The following RPRD1B variants were observed in gnomAD, a reference collection of about 807,000 sequenced individuals.
The protein encoded by RPRD1B is regulation of nuclear pre-mRNA domain containing 1B, also known as regulation of nuclear pre-mRNA domain-containing protein 1B.
Under a neutral mutation model 41.5 loss-of-function variants are expected in RPRD1B, and 11 were observed. That is an observed-to-expected ratio of 0.27 (90% CI 0.17 to 0.44). RPRD1B has a LOEUF of 0.44. RPRD1B is among the 20% of genes least tolerant of loss of function. RPRD1B has a pLI of 1.00. For synonymous variants in RPRD1B, 158 were observed against 155.6 expected, an observed-to-expected ratio of 1.02 and a Z score of -0.12; for missense variants, 248 against 389.9, an observed-to-expected ratio of 0.64 and a Z score of 3.06.
At position 38,090,108 on chromosome 20, in the gene RPRD1B, T is replaced by C. The variant is rs2122780153; in HGVS notation, c.*233T>C. 1 of 1,233,334 alleles carries C rather than the reference T, an allele frequency of 8.1e-7. No homozygotes were observed. The highest frequency in any genetic ancestry group is 1.0e-6 in the Non-Finnish European group (1 of 984,290). 76.4% of individuals were successfully genotyped at this position (1,233,334 alleles called of 1,614,324 possible). ...TCATATTTGCAAAGACTACAGACTT[T>C]TTCTCCCACTTCATATTTTCATGCC... On this transcript the variant is annotated 3_prime_UTR_variant, in exon 7 of 7. Coordinates refer to ENST00000373433, the MANE Select transcript of RPRD1B (RefSeq NM_021215.4).
In RPRD1B at chr20:38,092,118, T is replaced by C. The variant is rs2074616472; in HGVS notation, c.*2243T>C. The C allele has an allele frequency of 9.1e-6, 9 of 985,680 alleles. No homozygotes were observed. Among genetic ancestry groups the C allele is most frequent in the African/African-American group, 1.7e-5 (1 of 57,236 alleles). The allele number at this position is 985,680 out of a possible 1,614,324, so 61.1% of individuals were successfully genotyped here. A position where few individuals can be genotyped will look rare whatever the true frequency, so the allele number is the denominator to read the frequency against. On this transcript the variant is annotated 3_prime_UTR_variant, in exon 7 of 7. Coordinates refer to ENST00000373433, the MANE Select transcript of RPRD1B (RefSeq NM_021215.4). ...GGGTGGGGTGGGTGGTTTTTGTTTTTGTGTTTTTTCTTTCTTAGGGCATCT... is the reference window on the plus strand; with the variant it reads ...GGGTGGGGTGGGTGGTTTTTGTTTTCGTGTTTTTTCTTTCTTAGGGCATCT...
At chr20:38,059,567 C>T (rs748739356) in intron 5 of RPRD1B, 47 bp downstream of exon 5, 1 of 1,597,024 alleles carries the variant, frequency 6.3e-7, no homozygotes, top group Non-Finnish European at 8.6e-7. Context: ...AGGGACATAA[C>T]TGTAATGCAG....
chr20:38,076,640 A>T (rs912903615), intron 6 of RPRD1B, among the ~76,000 whole-genome samples: 8 of 152,160 alleles, frequency 5.3e-5, no homozygotes, highest in African/African-American at 1.9e-4. Context: ...GGCTGTCTTC[A>T]GAATTTCCCC....
intron 6 of RPRD1B, 35 bp downstream of exon 6, chr20:38,066,291 G>T (rs751361120): frequency 6.3e-7 from 1 of 1,591,756 alleles, no homozygotes; most frequent in Non-Finnish European, 8.6e-7. Flanking sequence ...GACTGCCCAC[G>T]TTTCCCTTCC....
At chr20:38,043,245 G>A (rs1222894872) in intron 2 of RPRD1B, among the ~76,000 whole-genome samples, 1 of 152,212 alleles carries the variant, frequency 6.6e-6, no homozygotes, top group Non-Finnish European at 1.5e-5. Context: ...CGAAGCGGGA[G>A]CAGCTATTAA....
chr20:38,042,306 A>G (rs2074074517), intron 2 of RPRD1B, among the ~76,000 whole-genome samples: 1 of 152,124 alleles, frequency 6.6e-6, no homozygotes, highest in South Asian at 2.1e-4. Flanking sequence ...GTGAGCTATA[A>G]TCATACCACT....
At chr20:38,046,768 C>CG (rs1718818613) in intron 2 of RPRD1B, among the ~76,000 whole-genome samples, 1 of 151,792 alleles carries the variant, frequency 6.6e-6, no homozygotes, top group South Asian at 2.1e-4. Flanking sequence ...GGTTGGAGGA[C>CG]GGGGGTGGGG....
rs780926255 is a variant in RPRD1B at position 38,059,564 on chromosome 20, TA to T, written c.655+46del. On this transcript the variant is annotated intron_variant, in intron 5 of 6. Transcript: ENST00000373433. The stretch of plus-strand genomic sequence containing the variant: ...GGTGAAAGGTGAGGAGAGAGGGACA[TA>T]ACTGTAATGCAGTAACCCTAGGCCA... 4 of 1,597,060 alleles carry T rather than the reference TA, an allele frequency of 2.5e-6. No homozygotes were observed. In the East Asian group the frequency reaches 6.7e-5, roughly 27 times the overall value.
intron 3 of RPRD1B, among the ~76,000 whole-genome samples, chr20:38,055,118 T>A (rs576761024): frequency 1.5e-3 from 221 of 152,364 alleles, no homozygotes; most frequent in Middle Eastern, 3.4e-3. Flanking sequence ...CTGTGACTTT[T>A]AAAATTTTTT....
At chr20:38,051,960 A>G (rs1235194030) in intron 3 of RPRD1B, among the ~76,000 whole-genome samples, 1 of 152,188 alleles carries the variant, frequency 6.6e-6, no homozygotes, top group African/African-American at 2.4e-5. Flanking sequence ...CATGTTGGTC[A>G]GGCTGGTCCC....
intron 3 of RPRD1B, among the ~76,000 whole-genome samples, chr20:38,055,031 A>G (rs1395925806): frequency 2.0e-5 from 3 of 152,250 alleles, no homozygotes; most frequent in Admixed American, 6.5e-5. Context: ...ATAGTAGTGC[A>G]GGACTATAAC....
chr20:38,067,986 CTT>C (rs949386146), intron 6 of RPRD1B, among the ~76,000 whole-genome samples: 11 of 152,216 alleles, frequency 7.2e-5, no homozygotes, highest in Admixed American at 3.9e-4. Context: ...AGGACAGAGT[CTT>C]TGAGGAGATC....
chr20:38,035,295 T>G (rs2073988499), intron 1 of RPRD1B, among the ~76,000 whole-genome samples: 1 of 152,168 alleles, frequency 6.6e-6, no homozygotes, highest in African/African-American at 2.4e-5. Flanking sequence ...GAAATGAAGC[T>G]CAGAGCTGCT....
intron 1 of RPRD1B, among the ~76,000 whole-genome samples, chr20:38,038,523 G>T (rs1378201874): frequency 2.7e-5 from 3 of 110,646 alleles, no homozygotes; most frequent in African/African-American, 3.6e-5. Context: ...TTGAGACAGA[G>T]TCTTGCTCTG....
In RPRD1B at chr20:38,090,091, G is replaced by T. The variant is rs1424506451; in HGVS notation, c.*216G>T. ...TGGAATCTGGTTTATATTCATATTTGCAAAGACTACAGACTTTTTCTCCCA... is the reference window on the plus strand; with the variant it reads ...TGGAATCTGGTTTATATTCATATTTTCAAAGACTACAGACTTTTTCTCCCA... On this transcript the variant is annotated 3_prime_UTR_variant, in exon 7 of 7. Coordinates refer to ENST00000373433, the MANE Select transcript of RPRD1B (RefSeq NM_021215.4). The T allele has an allele frequency of 7.8e-7, 1 of 1,276,310 alleles. No individual in the cohort carries two copies. Among genetic ancestry groups the T allele is most frequent in the East Asian group, 2.9e-5 (1 of 34,236 alleles). The allele number at this position is 1,276,310 out of a possible 1,614,324, so 79.1% of individuals were successfully genotyped here.
At chr20:38,036,808 A>T (rs1312359608) in intron 1 of RPRD1B, among the ~76,000 whole-genome samples, 1 of 152,244 alleles carries the variant, frequency 6.6e-6, no homozygotes, top group Non-Finnish European at 1.5e-5. Flanking sequence ...AAAATGTGTG[A>T]CTAAGGAACT....
At chr20:38,046,670 C>T (rs1391026347) in intron 2 of RPRD1B, among the ~76,000 whole-genome samples, 1 of 152,000 alleles carries the variant, frequency 6.6e-6, no homozygotes, top group Non-Finnish European at 1.5e-5. Context: ...GCTGTGTGGC[C>T]ACATGGGGAA....
intron 3 of RPRD1B, among the ~76,000 whole-genome samples, chr20:38,053,669 C>T (rs768543089): frequency 9.9e-5 from 15 of 152,092 alleles, no homozygotes; most frequent in Admixed American, 3.3e-4. Context: ...GTGAGCACTC[C>T]GCTTTAGGAA....
chr20:38,070,562 G>C (rs913380007), intron 6 of RPRD1B: 2 of 985,362 alleles, frequency 2.0e-6, no homozygotes, highest in Non-Finnish European at 2.4e-6. Context: ...GACATAGCGT[G>C]AGTGGGTTGG....
Sources: gnomAD v4.1 joint callset for allele counts (sites outside exome capture counted in the v4.1 genomes callset) on GRCh38, gnomAD v4.1.1 for gene constraint, MANE v1.5 for transcripts, NCBI Gene and HGNC (gene_info 2026-07-23, HGNC 2026-07-21) for gene names.